Variants in ZDHHC4 observed in about 807,000 individuals in gnomAD.
The protein encoded by ZDHHC4 is zDHHC palmitoyltransferase 4, also known as palmitoyltransferase ZDHHC4.
A neutral mutation model predicts 36.7 loss-of-function variants in ZDHHC4; 42 were observed. The observed-to-expected ratio is 1.14, with a 90% CI of 0.89 to 1.48. The LOEUF is 1.48. Ranked by LOEUF, ZDHHC4 falls within the 40% of genes most tolerant of loss-of-function variation. ZDHHC4 has a pLI of 0.00. For missense variants in ZDHHC4, 457 were observed against 421.5 expected (o/e 1.08, Z -0.74); for synonymous variants, 189 against 166.6 (o/e 1.13, Z -1.03).
At chr7:6,581,369 C>T (rs1455470417) in intron 3 of ZDHHC4, among the ~76,000 whole-genome samples, 1 of 152,204 alleles carries the variant, frequency 6.6e-6, no homozygotes, top group Admixed American at 6.5e-5. Flanking sequence ...CCTCTCTTTC[C>T]CTGAAGACAC....
chr7:6,580,775 G>A (rs1036750784), intron 3 of ZDHHC4, 97 bp downstream of exon 3: 20 of 1,161,810 alleles, frequency 1.7e-5, no homozygotes, highest in Non-Finnish European at 2.0e-5. Flanking sequence ...ATGCCAGGCC[G>A]GGTGCAGTGC....
intron 1 of ZDHHC4, among the ~76,000 whole-genome samples, chr7:6,578,019 C>A (rs758270649): frequency 1.3e-5 from 2 of 152,106 alleles, no homozygotes; most frequent in Non-Finnish European, 2.9e-5. Context: ...TTAGTAGAGA[C>A]GGATTTCACC....
Position 6,583,377 on chromosome 7 carries a change from A to G in ZDHHC4, c.442A>G (p.Asn148Asp), listed in dbSNP as rs373744322. 5.9e-5 allele frequency: 95 copies of G among 1,613,896 alleles called. No individual in the cohort carries two copies. The highest frequency in any genetic ancestry group is 7.4e-5 in the Non-Finnish European group (87 of 1,179,944). Residue 148 changes from asparagine (N) to aspartate (D), a missense_variant, in exon 6 of 8, where the codon AAC becomes GAC. By Grantham distance (23) the Asn-to-Asp change is conservative. Transcript: ENST00000335965. ...ATTTGATGAAGTGATGTTTCCAAAG[A>G]ACGTGAGGTGCTCTACTTGTGATTT... ...YEFDEVMFPKNVRCSTCDLRK... is the reference protein window; with the variant it reads ...YEFDEVMFPKDVRCSTCDLRK...
chr7:6,588,165 C>T (rs931293001), intron 7 of ZDHHC4, among the ~76,000 whole-genome samples: 1 of 152,120 alleles, frequency 6.6e-6, no homozygotes. Context: ...GCGCCCGGCC[C>T]CTGTTTCTAT....
At chr7:6,580,478 A>T (rs536826626) in intron 2 of ZDHHC4, 77 bp from the exon 3 acceptor site, 15 of 1,177,598 alleles carry the variant, frequency 1.3e-5, no homozygotes, top group Admixed American at 1.7e-5. Flanking sequence ...GCCATTTGGG[A>T]GTTGATGTCT....
chr7:6,583,689 G>C (rs1583386575), intron 6 of ZDHHC4: 1 of 377,080 alleles, frequency 2.7e-6, no homozygotes, highest in East Asian at 5.0e-5. Context: ...CTCCCCACAA[G>C]TTGTTTCTGC....
intron 7 of ZDHHC4, among the ~76,000 whole-genome samples, chr7:6,587,204 G>A (rs1454607580): frequency 6.6e-6 from 1 of 152,056 alleles, no homozygotes; most frequent in Non-Finnish European, 1.5e-5. Context: ...ACCATGACTG[G>A]CCCAGAATCA....
chr7:6,579,021 G>A (rs13225119), intron 2 of ZDHHC4, among the ~76,000 whole-genome samples: 49,447 of 151,636 alleles, frequency 0.33, 9,738 homozygotes, highest in Non-Finnish European at 0.46. Flanking sequence ...TGGGGGTCTC[G>A]CTTTGTTGCC....
intron 5 of ZDHHC4, among the ~76,000 whole-genome samples, chr7:6,582,807 CACTGGCAGAATTGTACACTTTAA>C (rs766952616): frequency 1.6e-4 from 24 of 152,150 alleles, no homozygotes; most frequent in African/African-American, 5.6e-4. Context: ...TGAGCCACCG[CACTGGCAGAATTGTACACTTTAA>C]ATGAGTGAAT....
At chr7:6,579,405 T>C in intron 2 of ZDHHC4, among the ~76,000 whole-genome samples, 1 of 152,060 alleles carries the variant, frequency 6.6e-6, no homozygotes, top group Non-Finnish European at 1.5e-5. Context: ...TTACACCATG[T>C]TGGCCAGACT....
At chr7:6,580,269 G>C (rs987743310) in intron 2 of ZDHHC4, among the ~76,000 whole-genome samples, 1 of 152,098 alleles carries the variant, frequency 6.6e-6, no homozygotes, top group African/African-American at 2.4e-5. Flanking sequence ...CCAGAGTGCT[G>C]GGATTACAGG....
At chr7:6,580,500 C>T in intron 2 of ZDHHC4, 55 bp from the exon 3 acceptor site, 12 of 1,429,536 alleles carry the variant, frequency 8.4e-6, no homozygotes, top group Non-Finnish European at 1.2e-5. Context: ...AGAATGTGTG[C>T]CATGGAAGAA....
chr7:6,583,187 A>G (rs1303489856), intron 5 of ZDHHC4, 119 bp from the exon 6 acceptor site: 1 of 1,227,052 alleles, frequency 8.1e-7, no homozygotes, highest in Non-Finnish European at 1.1e-6. Flanking sequence ...CAAAAAAAAA[A>G]AAAGAATTAC....
rs1164371825 is a variant in ZDHHC4 at position 6,580,634 on chromosome 7, T to C, written c.73T>C (p.Ser25Pro). Residue 25 changes from serine to proline, a missense_variant, in exon 3 of 8, where the codon TCG becomes CCG. By Grantham distance (74) the Ser-to-Pro change is moderately conservative (BLOSUM62 -1). Coordinates refer to ENST00000335965, the MANE Select transcript of ZDHHC4 (RefSeq NM_001134389.2). ...GGGTCTTGTTCTTATCTGCGTCTGC[T>C]CGAAAACCCATAGCTTGAAAGGCCT... ...LMGLVLICVC[S>P]KTHSLKGLAR... The C allele has an allele frequency of 1.2e-6, 2 of 1,614,102 alleles. No homozygotes were observed. Among genetic ancestry groups the C allele is most frequent in the Non-Finnish European group, 1.7e-6 (2 of 1,180,022 alleles).
At chr7:6,581,579 T>G in intron 3 of ZDHHC4, 28 bp from the exon 4 acceptor site, 1 of 1,555,852 alleles carries the variant, frequency 6.4e-7, no homozygotes, top group South Asian at 1.1e-5. Context: ...GAAATGAAAT[T>G]GAGTCTTTCT....
chr7:6,579,681 T>C (rs1362519269), intron 2 of ZDHHC4, among the ~76,000 whole-genome samples: 3 of 152,202 alleles, frequency 2.0e-5, no homozygotes, highest in Non-Finnish European at 4.4e-5. Flanking sequence ...GCAGATTCTT[T>C]GGGGACACAT....
At chr7:6,581,265 G>T in intron 3 of ZDHHC4, 1 of 320,280 alleles carries the variant, frequency 3.1e-6, no homozygotes, top group Non-Finnish European at 5.8e-6. Context: ...AATGCCCAGT[G>T]ATCTGGGTGT....
chr7:6,584,443 T>C (rs1781082502), intron 6 of ZDHHC4: 1 of 152,502 alleles, frequency 6.6e-6, no homozygotes, highest in Non-Finnish European at 1.5e-5. Flanking sequence ...CATGTCTACA[T>C]TGACATAATG....
At chr7:6,586,771 C>T (rs796913311) in intron 7 of ZDHHC4, among the ~76,000 whole-genome samples, 19 of 151,806 alleles carry the variant, frequency 1.3e-4, no homozygotes, top group African/African-American at 3.4e-4. Context: ...ACCCCGTGCC[C>T]GGCCTTACTT....
Sources: gnomAD v4.1 joint callset for allele counts (sites outside exome capture counted in the v4.1 genomes callset) on GRCh38, gnomAD v4.1.1 for gene constraint, MANE v1.5 for transcripts, NCBI Gene and HGNC (gene_info 2026-07-23, HGNC 2026-07-21) for gene names.